CDK5: variants seen among roughly 807,000 people sequenced by gnomAD.
CDK5 encodes cyclin-dependent kinase 5.
CDK5 carries 18 observed loss-of-function variants against 44.6 expected under a neutral mutation model. The ratio of observed to expected loss-of-function variants is 0.40; its 90% CI spans 0.28 to 0.60. The LOEUF is 0.60. Ranked by LOEUF, CDK5 falls within the 20% of genes least tolerant of loss-of-function variation. The probability of loss-of-function intolerance (pLI) is 0.38; values close to 1 mark genes in which losing one functional copy is unlikely to be tolerated. For synonymous variants in CDK5, 143 were observed against 152.8 expected (o/e 0.94, Z 0.47); for missense variants, 198 against 368.1 (o/e 0.54, Z 3.78).
chr7:151,056,125 C>G lies in CDK5; in HGVS notation c.313-277G>C. ...GTGGATCCTAGATCCGGCCTAGATC[C>G]CAGCCCATGCTGATCTTCCCTTCCT... is the stretch of plus-strand genomic sequence containing the variant. On this transcript the variant is annotated intron_variant, in intron 5 of 11. Coordinates refer to ENST00000485972, the MANE Select transcript of CDK5 (RefSeq NM_004935.4). The surrounding 1 kb of genome is among the most constrained non-coding windows in gnomAD (Gnocchi z 4.7). 2 of 540,358 alleles carry G rather than the reference C, an allele frequency of 3.7e-6. No homozygotes were observed. Among genetic ancestry groups the G allele is most frequent in the South Asian group, 5.0e-5 (2 of 40,040 alleles). 33.5% of individuals were successfully genotyped at this position (540,358 alleles called of 1,614,324 possible).
rs1178323052 is a variant in CDK5, at chr7:151,055,598, C to A, written c.417G>T (p.Glu139Asp). The A allele has an allele frequency of 6.2e-7, 1 of 1,613,582 alleles. No individual in the cohort carries two copies. The highest frequency in any genetic ancestry group is 1.3e-5 in the African/African-American group (1 of 74,920). ...CCAGGCCAAAATCAGCCAATTTCAG[C>A]TCCCCATTCTGAAGGGAATGGGAAG... The part of the protein sequence containing the change: ...PQNLLINRNG[E>D]LKLADFGLAR... Residue 139 changes from glutamate (E) to aspartate (D), a missense_variant, in exon 7 of 12, where the codon GAG becomes GAT. By Grantham distance (45) the Glu-to-Asp change is conservative. Transcript: ENST00000485972.
In CDK5 at chr7:151,057,084, A is replaced by G; in HGVS notation, c.114T>C (p.Asp38=). 1 of 1,613,882 alleles carries G rather than the reference A, an allele frequency of 6.2e-7. No individual in the cohort carries two copies. The highest frequency in any genetic ancestry group is 8.5e-7 in the Non-Finnish European group (1 of 1,179,862). Residue 38 remains aspartate, a synonymous_variant, in exon 2 of 12, where the codon GAT becomes GAC. Transcript: ENST00000485972. The surrounding 1 kb of genome is among the most constrained non-coding windows in gnomAD (Gnocchi z 5.2). The part of the protein sequence containing the change: ...EIVALKRVRL[D]DDDEGVPSSA... ...TCCCCAGTCCTACCTCATCATCGTC[A>G]TCCAGCCTCACCCGTTTCAGAGCCA...
In CDK5 at chr7:151,054,457, C is replaced by T; in HGVS notation, c.659G>A (p.Gly220Glu). ...GGGCCACTGCTCCTCGGTGGGCGTC[C>T]CCAGCAGTGTGTCCACGGAGTCAAG... ...DQLKRIFRLLGTPTEEQWPSM... is the reference protein window; with the variant it reads ...DQLKRIFRLLETPTEEQWPSM... The change falls in exon 10 of 12, where the codon GGG (glycine) becomes GAG (glutamate). Residue 220 changes from glycine to glutamate, a missense_variant. Gly to Glu is a moderately conservative substitution (Grantham distance 98). Transcript: ENST00000485972. This position sits in a 1 kb window ranked among gnomAD's most constrained non-coding sequence, Gnocchi z 5.7. The T allele has an allele frequency of 1.9e-6, 3 of 1,612,482 alleles. No individual in the cohort carries two copies. Among genetic ancestry groups the T allele is most frequent in the Non-Finnish European group, 2.5e-6 (3 of 1,179,056 alleles).
chr7:151,054,337 G>A lies in CDK5; in HGVS notation c.712-45C>T. 3.7e-6 allele frequency: 6 copies of A among 1,611,348 alleles called. No homozygotes were observed. The highest frequency in any genetic ancestry group is 1.3e-5 in the African/African-American group (1 of 74,972). The stretch of plus-strand genomic sequence containing the variant: ...GTCAGACTAGAGGTAGGGGGAGGGG[G>A]ATGGAGGCGCTAGGAATGTGAAACG... On this transcript the variant is annotated intron_variant, in intron 10 of 11. Transcript: ENST00000485972. This position sits in a 1 kb window ranked among gnomAD's most constrained non-coding sequence, Gnocchi z 5.7.
At position 151,057,106 on chromosome 7, in the gene CDK5, G is replaced by A. The variant is rs1447016885; in HGVS notation, c.92C>T (p.Ala31Val). 1 of 1,613,982 alleles carries A rather than the reference G, an allele frequency of 6.2e-7. No homozygotes were observed. Among genetic ancestry groups the A allele is most frequent in the Non-Finnish European group, 8.5e-7 (1 of 1,179,880 alleles). The change falls in exon 2 of 12, where the codon GCT becomes GTT. Residue 31 changes from alanine (A) to valine (V), a missense_variant. Ala to Val is a moderately conservative substitution (Grantham distance 64). This residue lies in a region of CDK5 where 53 missense variants were observed against 122.7 expected (regional missense o/e 0.43). Coordinates refer to ENST00000485972, the MANE Select transcript of CDK5 (RefSeq NM_004935.4). This position sits in a 1 kb window ranked among gnomAD's most constrained non-coding sequence, Gnocchi z 5.2. ...GTCATCCAGCCTCACCCGTTTCAGA[G>A]CCACGATCTCATGAGTCTCCCGGTT... is the stretch of plus-strand genomic sequence containing the variant. ...AKNRETHEIV[A>V]LKRVRLDDDD... is the part of the protein sequence containing the mutation.
rs1563330305 is a variant in CDK5, at chr7:151,057,165, G to C, written c.38-5C>G. 1.2e-6 allele frequency: 2 copies of C among 1,612,426 alleles called. No individual in the cohort carries two copies. Among genetic ancestry groups the C allele is most frequent in the African/African-American group, 1.3e-5 (1 of 75,018 alleles). On this transcript the variant is annotated splice_polypyrimidine_tract_variant and splice_region_variant and intron_variant, in intron 1 of 11. Transcript: ENST00000485972. This position sits in a 1 kb window ranked among gnomAD's most constrained non-coding sequence, Gnocchi z 5.2. ...TGAACACAGTTCCGTAGGTGCCTAGGGGAAGGAGGTCAGGGGTCAGGGTGA... is the reference window on the plus strand; with the variant it reads ...TGAACACAGTTCCGTAGGTGCCTAGCGGAAGGAGGTCAGGGGTCAGGGTGA...
rs776562781 is a variant in CDK5 at position 151,057,120 on chromosome 7, A to G, written c.78T>C (p.Thr26=). 2.5e-6 allele frequency: 4 copies of G among 1,613,778 alleles called. No homozygotes were observed. Among genetic ancestry groups the G allele is most frequent in the African/African-American group, 2.7e-5 (2 of 74,902 alleles). ...GTVFKAKNRE[T]HEIVALKRVR... is the part of the protein sequence containing the mutation. ...CCCGTTTCAGAGCCACGATCTCATGAGTCTCCCGGTTTTTGGCCTTGAACA... is the reference window on the plus strand; with the variant it reads ...CCCGTTTCAGAGCCACGATCTCATGGGTCTCCCGGTTTTTGGCCTTGAACA... Residue 26 remains threonine (T), a synonymous_variant, in exon 2 of 12, where the codon ACT becomes ACC. Coordinates refer to ENST00000485972, the MANE Select transcript of CDK5 (RefSeq NM_004935.4). This position sits in a 1 kb window ranked among gnomAD's most constrained non-coding sequence, Gnocchi z 5.2.
rs1796858288 is a variant in CDK5, at chr7:151,054,628, C to T, written c.651-163G>A. Among the ~76,000 whole-genome samples the T allele has an allele frequency of 6.6e-6, 1 of 152,162 alleles. No individual in the cohort carries two copies. The highest frequency in any genetic ancestry group is 1.5e-5 in the Non-Finnish European group (1 of 68,018). ...TGAGCTTGACAGAAGCAGCCCCAGG[C>T]AGGTCACTCGCATATCCAGCCACGT... On this transcript the variant is annotated intron_variant, in intron 9 of 11. Coordinates refer to ENST00000485972, the MANE Select transcript of CDK5 (RefSeq NM_004935.4). The surrounding 1 kb of genome is among the most constrained non-coding windows in gnomAD (Gnocchi z 5.7).
In CDK5 at chr7:151,057,554, G is replaced by T. The variant is rs1038877094; in HGVS notation, c.37+258C>A. On this transcript the variant is annotated intron_variant, in intron 1 of 11. Transcript: ENST00000485972. The surrounding 1 kb of genome is among the most constrained non-coding windows in gnomAD (Gnocchi z 5.2). Reference sequence around the variant, plus strand: ...TTGTCCAAGTGCTGCTGAGGCTGGGGTGAGAAATTTCAGGAAGTGTCGCGG... The same window carrying T: ...TTGTCCAAGTGCTGCTGAGGCTGGGTTGAGAAATTTCAGGAAGTGTCGCGG... 6 of 609,280 alleles carry T rather than the reference G, an allele frequency of 9.8e-6. No homozygotes were observed. Among genetic ancestry groups the T allele is most frequent in the Non-Finnish European group, 1.2e-5 (4 of 342,464 alleles). 37.7% of individuals were successfully genotyped at this position (609,280 alleles called of 1,614,324 possible).
Position 151,055,741 on chromosome 7 carries a change from C to T in CDK5, c.408+12G>A, listed in dbSNP as rs753584743. 6 of 1,599,058 alleles carry T rather than the reference C, an allele frequency of 3.8e-6. No individual in the cohort carries two copies. In the East Asian group the frequency reaches 1.1e-4, roughly 30 times the overall value. On this transcript the variant is annotated intron_variant, in intron 6 of 11. Coordinates refer to ENST00000485972, the MANE Select transcript of CDK5 (RefSeq NM_004935.4). ...CAGCCTCTCCATTCCCCACCTTCTT[C>T]CCAAGAAGTACCCTGTTTATTAGCA... is the stretch of plus-strand genomic sequence containing the variant.
rs568743876 is a variant in CDK5, at chr7:151,057,320, G to A, written c.38-160C>T. 3 of 686,330 alleles carry A rather than the reference G, an allele frequency of 4.4e-6. No homozygotes were observed. The East Asian group carries it at 7.7e-5, about 18-fold the overall frequency. 42.5% of individuals were successfully genotyped at this position (686,330 alleles called of 1,614,324 possible). Reference sequence around the variant, plus strand: ...CTTTGTGAGTGAGGATGTGGCAGGTGGGGAGGGAGGAGAAGGTGCCCACCG... The same window carrying A: ...CTTTGTGAGTGAGGATGTGGCAGGTAGGGAGGGAGGAGAAGGTGCCCACCG... On this transcript the variant is annotated intron_variant, in intron 1 of 11. Transcript: ENST00000485972. This position sits in a 1 kb window ranked among gnomAD's most constrained non-coding sequence, Gnocchi z 5.2.
Position 151,057,698 on chromosome 7 carries a change from C to T in CDK5, c.37+114G>A, listed in dbSNP as rs1796928121. ...TGAGCTAGGGGGCCAGGGCTGCAGC[C>T]GCTGCTGAGATCGGAGCCTGTAGGC... On this transcript the variant is annotated intron_variant, in intron 1 of 11. Transcript: ENST00000485972. The surrounding 1 kb of genome is among the most constrained non-coding windows in gnomAD (Gnocchi z 5.2). 8.5e-7 allele frequency: 1 copy of T among 1,171,540 alleles called. No homozygotes were observed. The highest frequency in any genetic ancestry group is 1.3e-5 in the South Asian group (1 of 76,690). 72.6% of individuals were successfully genotyped at this position (1,171,540 alleles called of 1,614,324 possible). A position where few individuals can be genotyped will look rare whatever the true frequency, so the allele number is the denominator to read the frequency against.
chr7:151,057,801 G>A lies in CDK5; in HGVS notation c.37+11C>T, dbSNP rs1796930703. The stretch of plus-strand genomic sequence containing the variant: ...AGGAGCTCTTGCAGGAACATCTCGA[G>A]ATTCCATTACCTTCCCCAATCTTTT... On this transcript the variant is annotated intron_variant, in intron 1 of 11. Transcript: ENST00000485972. This position sits in a 1 kb window ranked among gnomAD's most constrained non-coding sequence, Gnocchi z 5.2. 2 of 1,610,152 alleles carry A rather than the reference G, an allele frequency of 1.2e-6. No individual in the cohort carries two copies. Among genetic ancestry groups the A allele is most frequent in the Non-Finnish European group, 1.7e-6 (2 of 1,178,308 alleles).
chr7:151,054,926 C>T lies in CDK5; in HGVS notation c.650+101G>A. The T allele has an allele frequency of 1.7e-6, 2 of 1,184,068 alleles. No individual in the cohort carries two copies. Among genetic ancestry groups the T allele is most frequent in the South Asian group, 1.3e-5 (1 of 77,886 alleles). 73.3% of individuals were successfully genotyped at this position (1,184,068 alleles called of 1,614,324 possible). On this transcript the variant is annotated intron_variant, in intron 9 of 11. Transcript: ENST00000485972. This position sits in a 1 kb window ranked among gnomAD's most constrained non-coding sequence, Gnocchi z 5.7. ...CCCTCAGGAGAAGCCCTACAGACCC[C>T]ATCACCCTACCCCACACCATCACTG...
At position 151,055,852 on chromosome 7, in the gene CDK5, G is replaced by A. The variant is rs1303832476; in HGVS notation, c.313-4C>T. ...TTAGTAGCTGGAAGAGGAATGACTG[G>A]GAGGAGAGAGGGAGAAGGGAGTCAG... On this transcript the variant is annotated splice_polypyrimidine_tract_variant and splice_region_variant and intron_variant, in intron 5 of 11. Transcript: ENST00000485972. 6.3e-7 allele frequency: 1 copy of A among 1,595,636 alleles called. No homozygotes were observed. Among genetic ancestry groups the A allele is most frequent in the Non-Finnish European group, 8.6e-7 (1 of 1,168,172 alleles).
Position 151,054,441 on chromosome 7 carries a change from C to G in CDK5, c.675G>C (p.Glu225Asp), listed in dbSNP as rs35186917. 7 of 1,613,340 alleles carry G rather than the reference C, an allele frequency of 4.3e-6. No individual in the cohort carries two copies. The highest frequency in any genetic ancestry group is 5.9e-6 in the Non-Finnish European group (7 of 1,179,518). ...IFRLLGTPTE[E>D]QWPSMTKLPD... ...GCAGCTTGGTCATAGAGGGCCACTG[C>G]TCCTCGGTGGGCGTCCCCAGCAGTG... is the stretch of plus-strand genomic sequence containing the variant. Residue 225 changes from glutamate (E) to aspartate (D), a missense_variant, in exon 10 of 12, where the codon GAG (glutamate) becomes GAC (aspartate). By Grantham distance (45) the Glu-to-Asp change is conservative. Transcript: ENST00000485972. The surrounding 1 kb of genome is among the most constrained non-coding windows in gnomAD (Gnocchi z 5.7).
chr7:151,056,604 A>G lies in CDK5; in HGVS notation c.288T>C (p.Gly96=). The change falls in exon 5 of 12, where the codon GGT becomes GGC. Residue 96 remains glycine, a synonymous_variant. Transcript: ENST00000485972. The surrounding 1 kb of genome is among the most constrained non-coding windows in gnomAD (Gnocchi z 4.7). ...DLKKYFDSCN[G]DLDPEIVKSF... ...CCTTTACAATCTCAGGATCGAGGTCACCATTGCAACTGTCAAAATACTTCT... is the reference window on the plus strand; with the variant it reads ...CCTTTACAATCTCAGGATCGAGGTCGCCATTGCAACTGTCAAAATACTTCT... 6.2e-7 allele frequency: 1 copy of G among 1,612,168 alleles called. No individual in the cohort carries two copies. Among genetic ancestry groups the G allele is most frequent in the Middle Eastern group, 1.6e-4 (1 of 6,062 alleles).
At chr7:151,055,132 G>C in intron 8 of CDK5, 36 bp from the exon 9 acceptor site, 1 of 1,597,260 alleles carries the variant, frequency 6.3e-7, no homozygotes, top group Admixed American at 1.7e-5. Context: ...TGTGACATGT[G>C]AAGGACCCCT....
rs1796890296 is a variant in CDK5 at position 151,056,189 on chromosome 7, A to T, written c.313-341T>A. 1 of 504,392 alleles carries T rather than the reference A, an allele frequency of 2.0e-6. No individual in the cohort carries two copies. The highest frequency in any genetic ancestry group is 3.6e-6 in the Non-Finnish European group (1 of 280,922). 31.2% of individuals were successfully genotyped at this position (504,392 alleles called of 1,614,324 possible). ...TATGCACGCCGTGAACATCAACATA[A>T]ATATCGTGCTGTAGTATCATTCAGG... On this transcript the variant is annotated intron_variant, in intron 5 of 11. Coordinates refer to ENST00000485972, the MANE Select transcript of CDK5 (RefSeq NM_004935.4). This position sits in a 1 kb window ranked among gnomAD's most constrained non-coding sequence, Gnocchi z 4.7.
Sources: gnomAD v4.1 joint callset for allele counts (sites outside exome capture counted in the v4.1 genomes callset) on GRCh38, gnomAD v4.1.1 for gene constraint, gnomAD v4.1.1 regional missense constraint, Gnocchi (gnomAD v3.1) non-coding constraint, MANE v1.5 for transcripts, NCBI Gene and HGNC (gene_info 2026-07-23, HGNC 2026-07-21) for gene names.